The following CSF3R variants were observed in gnomAD, a reference collection of about 807,000 sequenced individuals.
CSF3R encodes the protein granulocyte colony-stimulating factor receptor.
In CSF3R, 52 loss-of-function variants were observed where a neutral mutation model predicts 84.4. The observed-to-expected ratio is 0.62, with a 90% CI of 0.49 to 0.78. The LOEUF (loss-of-function observed/expected upper bound fraction) is 0.78, where lower values mean the gene tolerates loss of function less well. Among genes scored for constraint, CSF3R ranks in the 30% least tolerant of loss-of-function variants. CSF3R has a pLI of 0.00. For synonymous variants in CSF3R, 384 were observed against 429.1 expected (o/e 0.89, Z 1.30); for missense variants, 890 against 1,055.7 (o/e 0.84, Z 2.17).
chr1:36,481,607 G>A (rs1373028351), intron 1 of CSF3R, 70 bp from the exon 2 acceptor site: 2 of 152,212 alleles, frequency 1.3e-5, no homozygotes, highest in African/African-American at 2.4e-5. Context: ...GATTATTTTG[G>A]TAAAGGCATT....
rs766161550 is a variant in CSF3R, at chr1:36,472,403, T to C, written c.844-12A>G. ...GGGAGGGGGCCCACCTGGTGAGGGG[T>C]GGACAGGACTCTGAGCCTTGGATCG... On this transcript the variant is annotated splice_polypyrimidine_tract_variant and intron_variant, in intron 7 of 16. Coordinates refer to ENST00000373106, the MANE Select transcript of CSF3R (RefSeq NM_000760.4). This position sits in a 1 kb window ranked among gnomAD's most constrained non-coding sequence, Gnocchi z 5.0. 1.2e-6 allele frequency: 2 copies of C among 1,613,722 alleles called. No homozygotes were observed. Among genetic ancestry groups the C allele is most frequent in the Non-Finnish European group, 1.7e-6 (2 of 1,179,942 alleles).
chr1:36,471,424 C>A lies in CSF3R; in HGVS notation c.1285+9G>T. On this transcript the variant is annotated intron_variant, in intron 10 of 16. Coordinates refer to ENST00000373106, the MANE Select transcript of CSF3R (RefSeq NM_000760.4). ...CCTCTGTGCTCTTCTGGCTGCCAGC[C>A]CCCTTTACCTCTGCTTTCTGAGAAG... 7 of 1,613,224 alleles carry A rather than the reference C, an allele frequency of 4.3e-6. No individual in the cohort carries two copies. Among genetic ancestry groups the A allele is most frequent in the Non-Finnish European group, 5.9e-6 (7 of 1,179,230 alleles).
In CSF3R at chr1:36,467,380, A is replaced by G; in HGVS notation, c.1959-69T>C. The G allele has an allele frequency of 1.3e-6, 2 of 1,535,376 alleles. No homozygotes were observed. The highest frequency in any genetic ancestry group is 3.3e-5 in the Admixed American group (2 of 59,906). ...GATCTTTCCATTTTTTGTCCCACCC[A>G]CCCCACCTGAAGAGGTGCAGCTGCC... is the stretch of plus-strand genomic sequence containing the variant. On this transcript the variant is annotated intron_variant, in intron 15 of 16. Coordinates refer to ENST00000373106, the MANE Select transcript of CSF3R (RefSeq NM_000760.4). This position sits in a 1 kb window ranked among gnomAD's most constrained non-coding sequence, Gnocchi z 4.1.
chr1:36,470,192 A>G (rs1650620892), intron 10 of CSF3R, among the ~76,000 whole-genome samples: 1 of 151,856 alleles, frequency 6.6e-6, no homozygotes, highest in African/African-American at 2.4e-5. Flanking sequence ...ACCTTACTTT[A>G]TTTTATTTTT....
chr1:36,467,375 C>T lies in CSF3R; in HGVS notation c.1959-64G>A. 1.3e-6 allele frequency: 2 copies of T among 1,539,052 alleles called. No individual in the cohort carries two copies. The highest frequency in any genetic ancestry group is 1.8e-6 in the Non-Finnish European group (2 of 1,112,410). On this transcript the variant is annotated intron_variant, in intron 15 of 16. Coordinates refer to ENST00000373106, the MANE Select transcript of CSF3R (RefSeq NM_000760.4). This position sits in a 1 kb window ranked among gnomAD's most constrained non-coding sequence, Gnocchi z 4.1. ...CCTCCGATCTTTCCATTTTTTGTCC[C>T]ACCCACCCCACCTGAAGAGGTGCAG... is the stretch of plus-strand genomic sequence containing the variant.
chr1:36,471,507 T>A lies in CSF3R; in HGVS notation c.1211A>T (p.Gln404Leu), dbSNP rs932683267. The A allele has an allele frequency of 3.7e-6, 6 of 1,614,222 alleles. No individual in the cohort carries two copies. Among genetic ancestry groups the A allele is most frequent in the Non-Finnish European group, 5.1e-6 (6 of 1,180,036 alleles). ...GTTATAGGCCACAAGGGCCACCTCC[T>A]GGGCTTCTGAAGGCAGGTGGAAGGT... ...SCTFHLPSEA[Q>L]EVALVAYNSA... is the part of the protein sequence containing the mutation. The change falls in exon 10 of 17, where the codon CAG (glutamine) becomes CTG (leucine). Residue 404 changes from glutamine to leucine, a missense_variant. Coordinates refer to ENST00000373106, the MANE Select transcript of CSF3R (RefSeq NM_000760.4).
Position 36,475,366 on chromosome 1 carries a change from G to A in CSF3R, c.361+11C>T, listed in dbSNP as rs1388259578. 6.2e-6 allele frequency: 10 copies of A among 1,613,252 alleles called. No homozygotes were observed. In the South Asian group the frequency reaches 1.1e-4, roughly 18 times the overall value. On this transcript the variant is annotated intron_variant, in intron 4 of 16. Coordinates refer to ENST00000373106, the MANE Select transcript of CSF3R (RefSeq NM_000760.4). ...TGGAGGCAGAGTAGTTGGATGGCTG[G>A]AAGGACTTACAGCCTGCGCGCAGCT...
intron 10 of CSF3R, among the ~76,000 whole-genome samples, chr1:36,470,197 A>AT (rs1339656871): frequency 1.3e-5 from 2 of 151,920 alleles, no homozygotes; most frequent in South Asian, 2.1e-4. Context: ...ACTTTATTTT[A>AT]TTTTTTATGC....
chr1:36,476,398 G>A (rs1446351456), intron 3 of CSF3R: 1 of 152,238 alleles, frequency 6.6e-6, no homozygotes, highest in Non-Finnish European at 1.5e-5. Flanking sequence ...GATTACATGC[G>A]ATAACATATG....
chr1:36,468,028 C>A (rs745605777), intron 13 of CSF3R, 47 bp downstream of exon 13: 3 of 1,614,106 alleles, frequency 1.9e-6, no homozygotes, highest in Non-Finnish European at 2.5e-6. Flanking sequence ...GCTGAGCACC[C>A]CCTTCCAGGC....
At chr1:36,479,091 C>G (rs2124151441) in intron 3 of CSF3R, 1 of 394,994 alleles carries the variant, frequency 2.5e-6, no homozygotes, top group South Asian at 2.2e-5. Flanking sequence ...TGAAACCTGT[C>G]CCCTTGTAGC....
chr1:36,468,168 G>A lies in CSF3R; in HGVS notation c.1630C>T (p.Gln544Ter), dbSNP rs949664688. 1 of 1,612,532 alleles carries A rather than the reference G, an allele frequency of 6.2e-7. No homozygotes were observed. The highest frequency in any genetic ancestry group is 1.3e-5 in the African/African-American group (1 of 74,932). ...GGGGGCTCAGGCACCCACTCCAGCTGTGCCCAGGTCTTGCCAATGTGCTTT... is the reference window on the plus strand; with the variant it reads ...GGGGGCTCAGGCACCCACTCCAGCTATGCCCAGGTCTTGCCAATGTGCTTT... Reference protein sequence around the residue: ...HLKHIGKTWAQLEWVPEPPEL... With the variant: ...HLKHIGKTWA The change falls in exon 13 of 17, where the codon CAG (glutamine) becomes TAG (stop). Residue 544 changes from glutamine to a stop codon, truncating the protein, a stop_gained. Transcript: ENST00000373106. LOFTEE classifies it high-confidence loss of function.
At chr1:36,480,027 A>G in intron 2 of CSF3R, 1 of 243,148 alleles carries the variant, frequency 4.1e-6, no homozygotes, top group East Asian at 1.0e-4. Flanking sequence ...GGAACCTTCC[A>G]AAGAGCCATG....
chr1:36,469,646 C>G lies in CSF3R; in HGVS notation c.1474+6G>C, dbSNP rs748440449. 6.2e-7 allele frequency: 1 copy of G among 1,613,952 alleles called. No homozygotes were observed. Among genetic ancestry groups the G allele is most frequent in the South Asian group, 1.1e-5 (1 of 91,088 alleles). On this transcript the variant is annotated splice_donor_region_variant and intron_variant, in intron 11 of 16. Coordinates refer to ENST00000373106, the MANE Select transcript of CSF3R (RefSeq NM_000760.4). ...GGCCCTGCCCAACTTTCCAGGCCAG[C>G]CTCACCCTTCAGCAGAAACCCCGTG...
intron 9 of CSF3R, 144 bp downstream of exon 9, chr1:36,471,922 T>C: frequency 1.2e-6 from 1 of 839,714 alleles, no homozygotes; most frequent in Non-Finnish European, 1.9e-6. Context: ...CTCAGCTCCC[T>C]AGGCACATGC....
chr1:36,466,834 A>T lies in CSF3R; in HGVS notation c.2041-7T>A. The T allele has an allele frequency of 6.2e-7, 1 of 1,614,154 alleles. No individual in the cohort carries two copies. Among genetic ancestry groups the T allele is most frequent in the South Asian group, 1.1e-5 (1 of 91,088 alleles). On this transcript the variant is annotated splice_region_variant and splice_polypyrimidine_tract_variant and intron_variant, in intron 16 of 16. Transcript: ENST00000373106. The surrounding 1 kb of genome is among the most constrained non-coding windows in gnomAD (Gnocchi z 4.6). Reference sequence around the variant, plus strand: ...CGGGCAGCTGGAAGGCATCCTGCACACAAGGATGTGGGGTGAGAGCACGGC... The same window carrying T: ...CGGGCAGCTGGAAGGCATCCTGCACTCAAGGATGTGGGGTGAGAGCACGGC...
rs1238214619 is a variant in CSF3R, at chr1:36,472,506, C to T, written c.843+11G>A. 8 of 1,614,058 alleles carry T rather than the reference C, an allele frequency of 5.0e-6. No homozygotes were observed. The Admixed American group carries it at 1.0e-4, about 20-fold the overall frequency. ...ACCACCTCAGGCTCTCCAGGTTGCC[C>T]TCTGCCTCACCAGTGCCCAGCTGGC... On this transcript the variant is annotated intron_variant, in intron 7 of 16. Transcript: ENST00000373106. This position sits in a 1 kb window ranked among gnomAD's most constrained non-coding sequence, Gnocchi z 5.0.
chr1:36,474,009 C>T, intron 4 of CSF3R, 122 bp from the exon 5 acceptor site: 3 of 1,445,338 alleles, frequency 2.1e-6, no homozygotes, highest in Non-Finnish European at 2.9e-6. Flanking sequence ...CTTGTCTGTC[C>T]CCCTGTCTCC....
chr1:36,475,320 T>C, intron 4 of CSF3R, 57 bp downstream of exon 4: 1 of 1,596,074 alleles, frequency 6.3e-7, no homozygotes, highest in Non-Finnish European at 8.6e-7. Flanking sequence ...AATATTCTTA[T>C]TAGTATTGGC....
Sources: allele counts gnomAD v4.1 joint callset (sites outside exome capture counted in the v4.1 genomes callset), GRCh38; gene constraint gnomAD v4.1.1; non-coding constraint Gnocchi (gnomAD v3.1); transcripts MANE v1.5; gene names NCBI Gene and HGNC (gene_info 2026-07-23, HGNC 2026-07-21).